Variants in CHLSN observed in about 807,000 individuals in gnomAD.
CHLSN encodes cholesin, also known as protein cholesin.
At chr7:1,034,927 A>G in the CHLSN span, among the ~76,000 whole-genome samples, 1 of 152,196 alleles carries the variant, frequency 6.6e-6, no homozygotes, top group Non-Finnish European at 1.5e-5. Context: ...TTACTTTGCT[A>G]AGGATAATGG....
At chr7:1,120,448 T>A in the CHLSN span, among the ~76,000 whole-genome samples, 3 of 152,184 alleles carry the variant, frequency 2.0e-5, no homozygotes, top group Non-Finnish European at 4.4e-5. Context: ...CACGCCACCA[T>A]GCCTGGCCAA....
chr7:1,135,067 C>T, the CHLSN span, among the ~76,000 whole-genome samples: 6 of 152,116 alleles, frequency 3.9e-5, no homozygotes, highest in African/African-American at 1.4e-4. Flanking sequence ...TTGATCCTTC[C>T]TTCTCTCTTG....
chr7:1,040,943 C>T, the CHLSN span, among the ~76,000 whole-genome samples: 20 of 152,252 alleles, frequency 1.3e-4, no homozygotes, highest in Non-Finnish European at 2.4e-4. Flanking sequence ...TGAGTGGCTG[C>T]TGCATGCCGG....
chr7:1,009,016 T>TGC, the CHLSN span, among the ~76,000 whole-genome samples: 4 of 134,902 alleles, frequency 3.0e-5, no homozygotes, highest in African/African-American at 1.3e-4. Context: ...CACACACACA[T>TGC]ACACATGCAC....
chr7:1,028,170 C>T, the CHLSN span: 1 of 914,492 alleles, frequency 1.1e-6, no homozygotes, highest in Non-Finnish European at 1.3e-6. Flanking sequence ...CGGGAGCGCC[C>T]ACCTGTCGCC....
the CHLSN span, chr7:1,058,167 A>G: frequency 5.4e-6 from 4 of 737,832 alleles, no homozygotes; most frequent in South Asian, 5.5e-5. Context: ...CAGGGAGGAC[A>G]CGCCCCTGGA....
the CHLSN span, among the ~76,000 whole-genome samples, chr7:1,099,121 G>T: frequency 7.3e-6 from 1 of 136,606 alleles, no homozygotes; most frequent in Non-Finnish European, 1.6e-5. Flanking sequence ...TCGCTGTCGC[G>T]TTCCTGCAGC....
the CHLSN span, among the ~76,000 whole-genome samples, chr7:1,015,262 G>C: frequency 6.6e-6 from 1 of 152,090 alleles, no homozygotes; most frequent in Non-Finnish European, 1.5e-5. Flanking sequence ...CCCTGTCCCT[G>C]AGGCATGAGA....
the CHLSN span, among the ~76,000 whole-genome samples, chr7:1,070,420 C>T: frequency 2.6e-4 from 32 of 122,794 alleles, 2 homozygotes; most frequent in Middle Eastern, 0.016. Flanking sequence ...TCTGCCCGGC[C>T]GCCCCTACTG....
the CHLSN span, chr7:983,253 C>T: frequency 5.9e-6 from 9 of 1,536,566 alleles, no homozygotes; most frequent in Non-Finnish European, 7.0e-6. Flanking sequence ...TCCTGGGGCT[C>T]TGGGGGCTGC....
the CHLSN span, among the ~76,000 whole-genome samples, chr7:1,035,046 G>A: frequency 1.3e-5 from 2 of 152,238 alleles, no homozygotes; most frequent in African/African-American, 4.8e-5. Context: ...ATCTGCCATT[G>A]GTGGCATTTC....
chr7:1,134,105 T>C, the CHLSN span, among the ~76,000 whole-genome samples: 1 of 151,984 alleles, frequency 6.6e-6, no homozygotes, highest in Non-Finnish European at 1.5e-5. Flanking sequence ...CCCCAAAATA[T>C]ATATATATAT....
the CHLSN span, among the ~76,000 whole-genome samples, chr7:1,101,465 C>A: frequency 6.6e-6 from 1 of 152,236 alleles, no homozygotes; most frequent in Non-Finnish European, 1.5e-5. Flanking sequence ...CATCTGCCAA[C>A]TGAGCCTCTG....
chr7:1,009,687 C>T, the CHLSN span, among the ~76,000 whole-genome samples: 388 of 152,356 alleles, frequency 2.5e-3, 2 homozygotes, highest in African/African-American at 8.7e-3. Context: ...GGGCAAGGTT[C>T]ACCATCAGAC....
chr7:1,055,679 C>T, the CHLSN span, among the ~76,000 whole-genome samples: 37 of 152,290 alleles, frequency 2.4e-4, no homozygotes, highest in South Asian at 6.4e-3. Context: ...TGAGGGGTCC[C>T]GGCCCTTGGC....
the CHLSN span, among the ~76,000 whole-genome samples, chr7:1,020,229 C>T: frequency 3.9e-5 from 6 of 152,236 alleles, no homozygotes; most frequent in African/African-American, 1.4e-4. Flanking sequence ...TGCTCCCGTC[C>T]TGTGAACACG....
At chr7:983,560 G>T in the CHLSN span, among the ~76,000 whole-genome samples, 1 of 152,156 alleles carries the variant, frequency 6.6e-6, no homozygotes, top group Non-Finnish European at 1.5e-5. Context: ...AAGCCACCCC[G>T]TCCCACAGGG....
the CHLSN span, among the ~76,000 whole-genome samples, chr7:1,089,698 T>C: frequency 4.7e-5 from 7 of 147,666 alleles, no homozygotes; most frequent in African/African-American, 1.8e-4. Flanking sequence ...GCTGGGATTA[T>C]AGGCCAGCCT....
chr7:1,042,041 G>A, the CHLSN span, among the ~76,000 whole-genome samples: 1 of 152,128 alleles, frequency 6.6e-6, no homozygotes, highest in African/African-American at 2.4e-5. Context: ...CGGGGCTGCA[G>A]AATCAGGTGC....
Sources: allele counts gnomAD v4.1 joint callset (sites outside exome capture counted in the v4.1 genomes callset), GRCh38; gene constraint gnomAD v4.1.1; transcripts MANE v1.5; gene names NCBI Gene and HGNC (gene_info 2026-07-23, HGNC 2026-07-21).